TRPS1: variants seen among roughly 807,000 people sequenced by gnomAD.
TRPS1 encodes zinc finger transcription factor Trps1.
TRPS1 carries 6 observed loss-of-function variants against 101.2 expected under a neutral mutation model. That is an observed-to-expected ratio of 0.06 (90% CI 0.03 to 0.12). TRPS1 has a LOEUF of 0.12. TRPS1 is among the 10% of genes least tolerant of loss of function. The pLI is 1.00. For synonymous variants in TRPS1, 578 were observed against 589.8 expected, an observed-to-expected ratio of 0.98 and a Z score of 0.29; for missense variants, 1,363 against 1,567.0, an observed-to-expected ratio of 0.87 and a Z score of 2.20.
intron 5 of TRPS1, among the ~76,000 whole-genome samples, chr8:115,550,199 G>C (rs1816671037): frequency 6.6e-6 from 1 of 152,196 alleles, no homozygotes; most frequent in Non-Finnish European, 1.5e-5. Flanking sequence ...GGGCAACTGA[G>C]CAAGACTCTG....
chr8:115,455,957 T>G (rs952906532), intron 5 of TRPS1, among the ~76,000 whole-genome samples: 2 of 151,762 alleles, frequency 1.3e-5, no homozygotes, highest in Non-Finnish European at 2.9e-5. Flanking sequence ...GCTAATTTTT[T>G]GTATTTTTAG....
intron 1 of TRPS1, among the ~76,000 whole-genome samples, chr8:115,659,748 A>G (rs1309608334): frequency 6.6e-6 from 1 of 152,008 alleles, no homozygotes; most frequent in Non-Finnish European, 1.5e-5. Flanking sequence ...TGACATCACA[A>G]AGTAGGCACA....
chr8:115,605,147 C>G (rs1387949289), intron 3 of TRPS1, 145 bp from the exon 4 acceptor site: 2 of 761,516 alleles, frequency 2.6e-6, no homozygotes, highest in African/African-American at 3.5e-5. Flanking sequence ...CTTGAATAAT[C>G]AGAGCCAAAT....
chr8:115,419,075 C>A (rs1812990470), intron 5 of TRPS1, among the ~76,000 whole-genome samples: 1 of 152,052 alleles, frequency 6.6e-6, no homozygotes, highest in Admixed American at 6.6e-5. Flanking sequence ...TAATGAGAAC[C>A]CTTATGAGGT....
chr8:115,544,285 T>C (rs909537193), intron 5 of TRPS1, among the ~76,000 whole-genome samples: 5 of 151,620 alleles, frequency 3.3e-5, no homozygotes, highest in African/African-American at 7.3e-5. Context: ...ATGGGAGTTA[T>C]AGTATCTATC....
chr8:115,428,224 T>C (rs1041379710), intron 5 of TRPS1, among the ~76,000 whole-genome samples: 4 of 152,192 alleles, frequency 2.6e-5, no homozygotes, highest in East Asian at 1.9e-4. Flanking sequence ...GGTGAGGTTA[T>C]TTTACCAAAT....
intron 5 of TRPS1, among the ~76,000 whole-genome samples, chr8:115,511,572 G>T (rs987539502): frequency 3.3e-5 from 5 of 151,778 alleles, no homozygotes; most frequent in Admixed American, 1.3e-4. Context: ...GACACCTGTG[G>T]TTCTAGTTGC....
At chr8:115,463,855 C>T (rs1036376029) in intron 5 of TRPS1, among the ~76,000 whole-genome samples, 2 of 151,782 alleles carry the variant, frequency 1.3e-5, no homozygotes, top group Admixed American at 1.3e-4. Context: ...TTATAAAGTA[C>T]ATGTTTTAGA....
intron 5 of TRPS1, among the ~76,000 whole-genome samples, chr8:115,492,525 A>G (rs568322596): frequency 2.8e-4 from 43 of 151,500 alleles, no homozygotes; most frequent in Non-Finnish European, 5.6e-4. Flanking sequence ...GTTTAATTCA[A>G]TCGACAAAAA....
At chr8:115,529,324 G>A (rs1020565146) in intron 5 of TRPS1, among the ~76,000 whole-genome samples, 4 of 152,010 alleles carry the variant, frequency 2.6e-5, no homozygotes, top group African/African-American at 9.7e-5. Flanking sequence ...AGGTTTTGCT[G>A]TGTCTTTGAA....
Position 115,412,854 on chromosome 8 carries a change from T to C in TRPS1, c.*1169A>G, listed in dbSNP as rs1258467247. 1 of 152,602 alleles carries C rather than the reference T, an allele frequency of 6.6e-6. No individual in the cohort carries two copies. The highest frequency in any genetic ancestry group is 2.4e-5 in the African/African-American group (1 of 41,454). The allele number at this position is 152,602 out of a possible 1,614,324, so 9.5% of individuals were successfully genotyped here. On this transcript the variant is annotated 3_prime_UTR_variant, in exon 7 of 7. Transcript: ENST00000395715. The stretch of plus-strand genomic sequence containing the variant: ...ACAAAGCCTTAAGTATTAAAAGTTC[T>C]ATGAGGACATACTTCTAAGAATCCT...
intron 5 of TRPS1, among the ~76,000 whole-genome samples, chr8:115,453,970 T>C (rs1033229277): frequency 6.6e-6 from 1 of 152,218 alleles, no homozygotes; most frequent in Non-Finnish European, 1.5e-5. Flanking sequence ...TTTAATCTAG[T>C]GGTCTCCACA....
At chr8:115,646,869 C>T (rs1325188971) in intron 1 of TRPS1, among the ~76,000 whole-genome samples, 1 of 152,078 alleles carries the variant, frequency 6.6e-6, no homozygotes, top group Non-Finnish European at 1.5e-5. Context: ...TGTGACAAAA[C>T]ATCTCTAGTT....
intron 5 of TRPS1, among the ~76,000 whole-genome samples, chr8:115,420,636 A>G (rs753378553): frequency 1.3e-5 from 2 of 152,148 alleles, no homozygotes; most frequent in Admixed American, 6.5e-5. Flanking sequence ...CCCTTGCACA[A>G]TTTGGTGCTT....
chr8:115,469,650 T>C (rs910157568), intron 5 of TRPS1, among the ~76,000 whole-genome samples: 10 of 152,018 alleles, frequency 6.6e-5, no homozygotes, highest in African/African-American at 2.4e-4. Flanking sequence ...CCAAGTAGCT[T>C]CCACCAGATA....
At chr8:115,549,566 A>G (rs3824201) in intron 5 of TRPS1, among the ~76,000 whole-genome samples, 104,413 of 151,842 alleles carry the variant, frequency 0.69, 37,459 homozygotes, top group African/African-American at 0.89. Flanking sequence ...ACAGCTGAAA[A>G]GGCTATCTAT....
intron 5 of TRPS1, among the ~76,000 whole-genome samples, chr8:115,555,265 A>T (rs967970108): frequency 2.0e-5 from 3 of 152,174 alleles, no homozygotes; most frequent in Non-Finnish European, 2.9e-5. Context: ...ATCAGGTAGA[A>T]TTTCTTTCAT....
intron 5 of TRPS1, among the ~76,000 whole-genome samples, chr8:115,506,618 T>C (rs1011996541): frequency 1.3e-5 from 2 of 152,146 alleles, no homozygotes; most frequent in Non-Finnish European, 2.9e-5. Flanking sequence ...CTTACCTAAA[T>C]ATTACTAGTT....
At chr8:115,426,014 T>C (rs1813177887) in intron 5 of TRPS1, among the ~76,000 whole-genome samples, 1 of 152,166 alleles carries the variant, frequency 6.6e-6, no homozygotes, top group African/African-American at 2.4e-5. Context: ...TGCACTGTCT[T>C]TTTTTTCATT....
Sources: gnomAD v4.1 joint callset for allele counts (sites outside exome capture counted in the v4.1 genomes callset) on GRCh38, gnomAD v4.1.1 for gene constraint, MANE v1.5 for transcripts, NCBI Gene and HGNC (gene_info 2026-07-23, HGNC 2026-07-21) for gene names.